Variants in PTPRQ observed in about 807,000 individuals in gnomAD.
The protein encoded by PTPRQ is phosphatidylinositol phosphatase PTPRQ.
In PTPRQ, 199 loss-of-function variants were observed where a neutral mutation model predicts 246.0. The observed-to-expected ratio is 0.81, with a 90% CI of 0.72 to 0.91. PTPRQ has a LOEUF of 0.91. PTPRQ is among the 40% of genes least tolerant of loss of function. The pLI is 0.00. For synonymous variants in PTPRQ, 869 were observed against 853.2 expected (o/e 1.02, Z -0.32); for missense variants, 2,624 against 2,528.4 (o/e 1.04, Z -0.81).
At position 80,546,685 on chromosome 12, in the gene PTPRQ, A is replaced by G. The variant is rs1565778386; in HGVS notation, c.4003A>G (p.Thr1335Ala). 1.3e-6 allele frequency: 2 copies of G among 1,551,100 alleles called. No homozygotes were observed. Among genetic ancestry groups the G allele is most frequent in the Non-Finnish European group, 1.7e-6 (2 of 1,146,766 alleles). ...NQFSNVVKFT[T>A]QESVPDVVQN... ...ATTTAGTAATGTAGTAAAATTCACA[A>G]CCCAAGAATCAGGTTAGATACAGTT... Residue 1335 changes from threonine (T) to alanine (A), a missense_variant, in exon 24 of 45, where the codon ACC becomes GCC. Thr to Ala is a moderately conservative substitution (Grantham distance 58, BLOSUM62 0). Coordinates refer to ENST00000644991, the MANE Select transcript of PTPRQ (RefSeq NM_001145026.2).
intron 17 of PTPRQ, among the ~76,000 whole-genome samples, chr12:80,532,499 G>A (rs1276210832): frequency 6.6e-6 from 1 of 152,118 alleles, no homozygotes; most frequent in Admixed American, 6.5e-5. Context: ...GGCATTACAG[G>A]TGTGAGCCAC....
chr12:80,670,640 G>T, intron 42 of PTPRQ, 148 bp downstream of exon 42: 1 of 1,240,292 alleles, frequency 8.1e-7, no homozygotes. Flanking sequence ...AGACACATTG[G>T]TATGATTTAT....
In PTPRQ at chr12:80,669,453, A is replaced by C; in HGVS notation, c.6442A>C (p.Lys2148Gln). 4.5e-6 allele frequency: 7 copies of C among 1,544,672 alleles called. No individual in the cohort carries two copies. The highest frequency in any genetic ancestry group is 6.1e-6 in the Non-Finnish European group (7 of 1,144,364). Residue 2148 changes from lysine (K) to glutamine (Q), a missense_variant, in exon 41 of 45, where the codon AAA becomes CAA. Coordinates refer to ENST00000644991, the MANE Select transcript of PTPRQ (RefSeq NM_001145026.2). ...AATAGATTGGACTATCAGGGATCTG[A>C]AAATTGAAAGGGTAAAAAAAAAAGG... The part of the protein sequence containing the change: ...VQIDWTIRDL[K>Q]IERHGDCMTV...
chr12:80,665,343 C>T (rs1900751356), intron 39 of PTPRQ, among the ~76,000 whole-genome samples: 1 of 151,954 alleles, frequency 6.6e-6, no homozygotes, highest in Non-Finnish European at 1.5e-5. Flanking sequence ...TCAATATTGA[C>T]CATCGCAGTG....
Position 80,613,608 on chromosome 12 carries a change from TAAC to T in PTPRQ, c.4940_4942del (p.Asn1647del). ...TTATTTTAGCCCCAAAGGACCCACC[TAAC>T]AACATGACATTTCAGAAGATACCAG... On this transcript the variant is annotated inframe_deletion, in exon 29 of 45. Coordinates refer to ENST00000644991, the MANE Select transcript of PTPRQ (RefSeq NM_001145026.2). The T allele has an allele frequency of 1.9e-6, 3 of 1,541,824 alleles. No homozygotes were observed. Among genetic ancestry groups the T allele is most frequent in the Non-Finnish European group, 2.6e-6 (3 of 1,141,342 alleles).
chr12:80,467,711 C>A (rs1233471350), intron 6 of PTPRQ, among the ~76,000 whole-genome samples: 1 of 151,280 alleles, frequency 6.6e-6, no homozygotes, highest in African/African-American at 2.4e-5. Context: ...TTTGTAGGGA[C>A]ATGGATGAAA....
rs116553748 is a variant in PTPRQ at position 80,622,733 on chromosome 12, C to A, written c.5686+599C>A. Among the ~76,000 whole-genome samples, 902 of 152,096 alleles carry A rather than the reference C, an allele frequency of 5.9e-3. 11 individuals carry two copies. The highest frequency in any genetic ancestry group is 0.02 in the African/African-American group (846 of 41,496). ...TTAGACCTGGGTTCAAATCTTGGCT[C>A]TGTCACTTGAGAAAATAATTTAATT... On this transcript the variant is annotated intron_variant, in intron 33 of 44. Coordinates refer to ENST00000644991, the MANE Select transcript of PTPRQ (RefSeq NM_001145026.2).
At chr12:80,452,587 T>C (rs10862120) in intron 3 of PTPRQ, among the ~76,000 whole-genome samples, 59,174 of 151,870 alleles carry the variant, frequency 0.39, 13,203 homozygotes, top group African/African-American at 0.61. Context: ...TCAGCATTTG[T>C]TTGTCTATAA....
intron 33 of PTPRQ, among the ~76,000 whole-genome samples, chr12:80,631,696 G>A (rs1340166296): frequency 6.6e-6 from 1 of 152,118 alleles, no homozygotes; most frequent in Non-Finnish European, 1.5e-5. Context: ...ACATGTTTTG[G>A]ATGTATTCTA....
chr12:80,605,055 A>G lies in PTPRQ; in HGVS notation c.4610-4A>G, dbSNP rs1898265125. ...GCTAGATAATTAATTTTCTATTGTCATAGCTCCAGATGGTCCTCCTGAAAA... is the reference window on the plus strand; with the variant it reads ...GCTAGATAATTAATTTTCTATTGTCGTAGCTCCAGATGGTCCTCCTGAAAA... On this transcript the variant is annotated splice_polypyrimidine_tract_variant and splice_region_variant and intron_variant, in intron 26 of 44. Transcript: ENST00000644991. 4 of 1,538,548 alleles carry G rather than the reference A, an allele frequency of 2.6e-6. No homozygotes were observed. Among genetic ancestry groups the G allele is most frequent in the Non-Finnish European group, 3.5e-6 (4 of 1,140,136 alleles).
At chr12:80,571,025 C>T (rs1367863247) in intron 25 of PTPRQ, among the ~76,000 whole-genome samples, 1 of 152,162 alleles carries the variant, frequency 6.6e-6, no homozygotes, top group African/African-American at 2.4e-5. Context: ...CATGATGCCT[C>T]CAGCTTTGTT....
Position 80,445,617 on chromosome 12 carries a change from G to T in PTPRQ, c.290G>T (p.Cys97Phe). The T allele has an allele frequency of 6.5e-7, 1 of 1,550,010 alleles. No homozygotes were observed. The highest frequency in any genetic ancestry group is 8.7e-7 in the Non-Finnish European group (1 of 1,145,804). Residue 97 changes from cysteine (C) to phenylalanine (F), a missense_variant, in exon 3 of 45, where the codon TGT becomes TTT. Cys to Phe is a radical substitution (Grantham distance 205). Coordinates refer to ENST00000644991, the MANE Select transcript of PTPRQ (RefSeq NM_001145026.2). The part of the protein sequence containing the change: ...ISYIVKYKEV[C>F]PWMQTVYTQV... The stretch of plus-strand genomic sequence containing the variant: ...TACATTGTCAAATATAAGGAAGTTT[G>T]TCCGTGGATGCAAACAGTATATACA...
Position 80,658,051 on chromosome 12 carries a change from G to A in PTPRQ, c.6182G>A (p.Ser2061Asn), listed in dbSNP as rs1487351287. 2.9e-6 allele frequency: 4 copies of A among 1,393,296 alleles called. No individual in the cohort carries two copies. The highest frequency in any genetic ancestry group is 3.8e-6 in the Non-Finnish European group (4 of 1,062,094). 86.3% of individuals were successfully genotyped at this position (1,393,296 alleles called of 1,614,324 possible). A position where few individuals can be genotyped will look rare whatever the true frequency, so the allele number is the denominator to read the frequency against. Reference sequence around the variant, plus strand: ...CCAGGTTCGGATTATATTAATGCCAGCTATATTTCTGTAAGTTACTATTTT... The same window carrying A: ...CCAGGTTCGGATTATATTAATGCCAACTATATTTCTGTAAGTTACTATTTT... ...SVPGSDYINA[S>N]YISGYLCPNE... Residue 2061 changes from serine (S) to asparagine (N), a missense_variant, in exon 39 of 45, where the codon AGC becomes AAC. By Grantham distance (46) the Ser-to-Asn change is conservative. Transcript: ENST00000644991.
Position 80,635,023 on chromosome 12 carries a change from T to C in PTPRQ, c.5865T>C (p.Asp1955=). The stretch of plus-strand genomic sequence containing the variant: ...TTATTGACACTAAATTGAAGCTGGA[T>C]CAGCTCATCACAGTGGCAGACCTGG... ...AEIIDTKLKL[D]QLITVADLEL... is the part of the protein sequence containing the mutation. The change falls in exon 35 of 45, where the codon GAT becomes GAC. Residue 1955 remains aspartate (D), a synonymous_variant. Coordinates refer to ENST00000644991, the MANE Select transcript of PTPRQ (RefSeq NM_001145026.2). 1 of 1,551,434 alleles carries C rather than the reference T, an allele frequency of 6.4e-7. No homozygotes were observed. Among genetic ancestry groups the C allele is most frequent in the Non-Finnish European group, 8.7e-7 (1 of 1,146,820 alleles).
At chr12:80,513,109 T>G (rs2120724405) in intron 17 of PTPRQ, among the ~76,000 whole-genome samples, 1 of 152,236 alleles carries the variant, frequency 6.6e-6, no homozygotes, top group East Asian at 1.9e-4. Flanking sequence ...GGGGCTTGTG[T>G]TAGCTCAGTT....
intron 26 of PTPRQ, among the ~76,000 whole-genome samples, chr12:80,599,830 A>G (rs374099359): frequency 6.6e-6 from 1 of 150,954 alleles, no homozygotes; most frequent in South Asian, 2.1e-4. Flanking sequence ...ATTGCTCCAG[A>G]CAGGTGAAAC....
In PTPRQ at chr12:80,616,182, A is replaced by G; in HGVS notation, c.5164-18A>G. ...AAGCAATCACTTGAAAATAGTAACA[A>G]ATATTTGTTTGTTTTAGGTTTACGC... is the stretch of plus-strand genomic sequence containing the variant. On this transcript the variant is annotated intron_variant, in intron 29 of 44. Transcript: ENST00000644991. 6.9e-7 allele frequency: 1 copy of G among 1,451,694 alleles called. No homozygotes were observed. The highest frequency in any genetic ancestry group is 1.5e-5 in the South Asian group (1 of 67,264). The allele number at this position is 1,451,694 out of a possible 1,614,324, so 89.9% of individuals were successfully genotyped here. A position where few individuals can be genotyped will look rare whatever the true frequency, so the allele number is the denominator to read the frequency against.
At chr12:80,472,371 T>A in intron 8 of PTPRQ, 120 bp downstream of exon 8, 1 of 1,335,838 alleles carries the variant, frequency 7.5e-7, no homozygotes, top group African/African-American at 1.5e-5. Flanking sequence ...ATTTCCTTAT[T>A]AAATTACTAC....
intron 27 of PTPRQ, among the ~76,000 whole-genome samples, chr12:80,608,266 A>G (rs1232465947): frequency 6.6e-6 from 1 of 150,688 alleles, no homozygotes; most frequent in African/African-American, 2.4e-5. Context: ...TATCAAGTAC[A>G]ATATGAGCAA....
Sources: allele counts gnomAD v4.1 joint callset (sites outside exome capture counted in the v4.1 genomes callset), GRCh38; gene constraint gnomAD v4.1.1; transcripts MANE v1.5; gene names NCBI Gene and HGNC (gene_info 2026-07-23, HGNC 2026-07-21).